The following CPHXL2 variants were observed in gnomAD, a reference collection of about 807,000 sequenced individuals.
The protein encoded by CPHXL2 is cytoplasmic polyadenylated homeobox like 2, also known as cytoplasmic polyadenylated homeobox-like protein 2.
the CPHXL2 span, among the ~76,000 whole-genome samples, chr16:75,670,199 C>T: frequency 1.9e-3 from 288 of 152,280 alleles, no homozygotes; most frequent in African/African-American, 6.5e-3. Flanking sequence ...CAGGGGTGAG[C>T]CACCGCGCCG....
chr16:75,667,564 C>G, the CPHXL2 span, among the ~76,000 whole-genome samples: 1 of 152,258 alleles, frequency 6.6e-6, no homozygotes, highest in African/African-American at 2.4e-5. Flanking sequence ...CAGGCATTTT[C>G]TCAACTGATT....
At chr16:75,667,931 T>C in the CPHXL2 span, among the ~76,000 whole-genome samples, 1 of 152,162 alleles carries the variant, frequency 6.6e-6, no homozygotes, top group Non-Finnish European at 1.5e-5. Flanking sequence ...CCACCTTACC[T>C]TTCACAGCAT....
the CPHXL2 span, among the ~76,000 whole-genome samples, chr16:75,668,197 T>TTC: frequency 2.1e-3 from 305 of 143,648 alleles, 4 homozygotes; most frequent in Non-Finnish European, 1.8e-3. Context: ...TACTGCTTAA[T>TTC]TCTCTCTCTC....
At chr16:75,660,661 C>T in the CPHXL2 span, 25 of 398,520 alleles carry the variant, frequency 6.3e-5, no homozygotes, top group African/African-American at 4.5e-4. Flanking sequence ...AGACAATGGT[C>T]TTTCTTCACC....
the CPHXL2 span, among the ~76,000 whole-genome samples, chr16:75,663,407 C>G: frequency 2.6e-5 from 4 of 152,104 alleles, no homozygotes; most frequent in Non-Finnish European, 5.9e-5. Flanking sequence ...AAACTGTAAA[C>G]CAAAAATACA....
the CPHXL2 span, among the ~76,000 whole-genome samples, chr16:75,668,658 T>C: frequency 6.6e-6 from 1 of 152,216 alleles, no homozygotes; most frequent in Admixed American, 6.5e-5. Context: ...TGTCCTCTCA[T>C]GTCCTTAAAA....
At chr16:75,667,312 CAA>C in the CPHXL2 span, among the ~76,000 whole-genome samples, 12 of 77,686 alleles carry the variant, frequency 1.5e-4, no homozygotes, top group Admixed American at 3.1e-4. Flanking sequence ...ACTCCATTTC[CAA>C]AAAAAAAAAA....
the CPHXL2 span, among the ~76,000 whole-genome samples, chr16:75,670,837 C>T: frequency 6.6e-6 from 1 of 152,192 alleles, no homozygotes; most frequent in Non-Finnish European, 1.5e-5. Flanking sequence ...CTTACTCAAT[C>T]TGTACCCTTC....
At chr16:75,673,931 G>C in the CPHXL2 span, among the ~76,000 whole-genome samples, 1 of 147,678 alleles carries the variant, frequency 6.8e-6, no homozygotes, top group Non-Finnish European at 1.5e-5. Context: ...AGTGAGTTGA[G>C]ATTGTGCCAC....
At chr16:75,673,229 G>A in the CPHXL2 span, among the ~76,000 whole-genome samples, 1 of 152,100 alleles carries the variant, frequency 6.6e-6, no homozygotes, top group Non-Finnish European at 1.5e-5. Flanking sequence ...GAGCTCAGGA[G>A]TTTGAGACCA....
At chr16:75,670,261 A>T in the CPHXL2 span, among the ~76,000 whole-genome samples, 1 of 152,048 alleles carries the variant, frequency 6.6e-6, no homozygotes, top group Non-Finnish European at 1.5e-5. Flanking sequence ...ATATTTTATT[A>T]TTTCATCACT....
chr16:75,664,303 G>A, the CPHXL2 span, among the ~76,000 whole-genome samples: 1 of 152,166 alleles, frequency 6.6e-6, no homozygotes, highest in African/African-American at 2.4e-5. Flanking sequence ...AATTGATTAA[G>A]ATCTGTCTCA....
At chr16:75,670,798 A>T in the CPHXL2 span, among the ~76,000 whole-genome samples, 13 of 152,152 alleles carry the variant, frequency 8.5e-5, no homozygotes, top group Non-Finnish European at 1.8e-4. Context: ...CGCCAGGCGT[A>T]AAATTTTATT....
chr16:75,675,797 G>A, the CPHXL2 span, among the ~76,000 whole-genome samples: 1 of 152,126 alleles, frequency 6.6e-6, no homozygotes, highest in African/African-American at 2.4e-5. Context: ...ATACAAAACA[G>A]GCCAGGCATG....
chr16:75,669,393 G>T, the CPHXL2 span: 1 of 400,354 alleles, frequency 2.5e-6, no homozygotes, highest in Non-Finnish European at 4.4e-6. Context: ...AATCAAATTT[G>T]TTGGCCAGTG....
chr16:75,663,243 A>T, the CPHXL2 span, among the ~76,000 whole-genome samples: 30 of 152,186 alleles, frequency 2.0e-4, 1 homozygote, highest in Admixed American at 1.4e-3. Context: ...AGCTACAAGG[A>T]TCTTTGATCC....
chr16:75,675,798 G>T, the CPHXL2 span, among the ~76,000 whole-genome samples: 1 of 152,210 alleles, frequency 6.6e-6, no homozygotes, highest in Non-Finnish European at 1.5e-5. Flanking sequence ...TACAAAACAG[G>T]CCAGGCATGG....
At chr16:75,673,085 A>AG in the CPHXL2 span, among the ~76,000 whole-genome samples, 3 of 150,694 alleles carry the variant, frequency 2.0e-5, no homozygotes, top group East Asian at 3.9e-4. Context: ...CAAAAAAAAA[A>AG]AAAAAAAAAA....
the CPHXL2 span, among the ~76,000 whole-genome samples, chr16:75,676,303 C>A: frequency 1.1e-4 from 17 of 151,922 alleles, no homozygotes; most frequent in African/African-American, 4.1e-4. Context: ...TATTTGTGAG[C>A]TAGGAAAAAA....
Sources: allele counts gnomAD v4.1 joint callset (sites outside exome capture counted in the v4.1 genomes callset), GRCh38; gene constraint gnomAD v4.1.1; transcripts MANE v1.5; gene names NCBI Gene and HGNC (gene_info 2026-07-23, HGNC 2026-07-21).